BBS9: variants seen among roughly 807,000 people sequenced by gnomAD.
The protein encoded by BBS9 is protein PTHB1.
BBS9 carries 89 observed loss-of-function variants against 117.7 expected under a neutral mutation model. The observed-to-expected ratio is 0.76, with a 90% CI of 0.64 to 0.90. The LOEUF is 0.90. Among genes scored for constraint, BBS9 ranks in the 40% least tolerant of loss-of-function variants. The probability of loss-of-function intolerance (pLI) is 0.00; values close to 1 mark genes in which losing one functional copy is unlikely to be tolerated. For synonymous variants in BBS9, 379 were observed against 370.9 expected (o/e 1.02, Z -0.25); for missense variants, 982 against 1,042.2 (o/e 0.94, Z 0.80).
chr7:33,368,981 T>G (rs1311254495), intron 17 of BBS9, among the ~76,000 whole-genome samples: 1 of 152,188 alleles, frequency 6.6e-6, no homozygotes, highest in East Asian at 1.9e-4. Context: ...TTTTTCTGAT[T>G]GGTCATGATT....
At chr7:33,355,462 G>A (rs1262113900) in intron 15 of BBS9, among the ~76,000 whole-genome samples, 1 of 151,752 alleles carries the variant, frequency 6.6e-6, no homozygotes. Context: ...TTTTTTAAAG[G>A]ATTTCATAAC....
chr7:33,300,043 A>G (rs1312684399), intron 9 of BBS9, among the ~76,000 whole-genome samples: 1 of 152,206 alleles, frequency 6.6e-6, no homozygotes, highest in Non-Finnish European at 1.5e-5. Flanking sequence ...ACTAACAACA[A>G]TGGGAACTAT....
At chr7:33,191,850 CT>C (rs1437731136) in intron 5 of BBS9, among the ~76,000 whole-genome samples, 1 of 151,918 alleles carries the variant, frequency 6.6e-6, no homozygotes, top group Non-Finnish European at 1.5e-5. Flanking sequence ...TTTACTTTAT[CT>C]TTTCCTCACT....
chr7:33,241,602 A>G (rs938412356), intron 5 of BBS9, among the ~76,000 whole-genome samples: 1 of 152,068 alleles, frequency 6.6e-6, no homozygotes, highest in Admixed American at 6.6e-5. Flanking sequence ...TTAACTTCAC[A>G]TGTATTTTCC....
At chr7:33,580,568 A>C (rs1859709738) in intron 21 of BBS9, among the ~76,000 whole-genome samples, 1 of 152,166 alleles carries the variant, frequency 6.6e-6, no homozygotes. Flanking sequence ...ATGACTACCC[A>C]TATGCTGCTC....
intron 19 of BBS9, chr7:33,390,615 A>G: frequency 1.0e-6 from 1 of 967,978 alleles, no homozygotes; most frequent in Non-Finnish European, 1.2e-6. Context: ...TTGTTCAATA[A>G]GTTTCATGAG....
intron 15 of BBS9, among the ~76,000 whole-genome samples, chr7:33,354,396 A>G (rs1390186436): frequency 6.6e-6 from 1 of 152,120 alleles, no homozygotes; most frequent in Non-Finnish European, 1.5e-5. Context: ...GTTGTCCCAT[A>G]AGGGTTAGTC....
chr7:33,433,354 G>C (rs1359832585), intron 19 of BBS9, among the ~76,000 whole-genome samples: 1 of 152,116 alleles, frequency 6.6e-6, no homozygotes, highest in African/African-American at 2.4e-5. Flanking sequence ...AGGACAATTT[G>C]GCAATGAGAA....
chr7:33,633,510 C>CTTTTTTTT (rs894796851), intron 21 of BBS9, among the ~76,000 whole-genome samples: 2 of 98,454 alleles, frequency 2.0e-5, no homozygotes, highest in African/African-American at 3.8e-5. Context: ...TAACTTTTTT[C>CTTTTTTTT]TTTTTTTTTT....
At chr7:33,605,003 G>A (rs369958686) in intron 22 of BBS9, 28 bp downstream of exon 22, 83 of 1,556,792 alleles carry the variant, frequency 5.3e-5, no homozygotes, top group Non-Finnish European at 6.6e-5. Context: ...CTTCACAAGC[G>A]TTAGTTAAGT....
Position 33,349,157 on chromosome 7 carries a change from C to CT in BBS9, c.1422dup (p.Glu475Ter), listed in dbSNP as rs1263649506. On this transcript the variant is annotated frameshift_variant, in exon 13 of 23. Coordinates refer to ENST00000242067, the MANE Select transcript of BBS9 (RefSeq NM_198428.3). LOFTEE classifies it high-confidence loss of function. ...TAGAATTGACTTGTGATCAGTTCAC[C>CT]TTTGAATTTATGAGTAAGTTTTTTG... 1 of 1,612,006 alleles carries CT rather than the reference C, an allele frequency of 6.2e-7. No individual in the cohort carries two copies. The highest frequency in any genetic ancestry group is 2.2e-5 in the East Asian group (1 of 44,750).
intron 21 of BBS9, among the ~76,000 whole-genome samples, chr7:33,616,458 TTA>T (rs1203911267): frequency 6.8e-6 from 1 of 147,432 alleles, no homozygotes; most frequent in East Asian, 2.0e-4. Flanking sequence ...TACATATATG[TTA>T]TATAACTTTA....
At chr7:33,453,247 A>G (rs368749212) in intron 19 of BBS9, among the ~76,000 whole-genome samples, 114 of 152,288 alleles carry the variant, frequency 7.5e-4, no homozygotes, top group African/African-American at 2.7e-3. Flanking sequence ...CACTCAGCAA[A>G]GCAGCTGAGT....
chr7:33,409,122 G>A (rs1360803843), intron 19 of BBS9, among the ~76,000 whole-genome samples: 1 of 152,100 alleles, frequency 6.6e-6, no homozygotes, highest in African/African-American at 2.4e-5. Flanking sequence ...TTCTTCTGTT[G>A]ATAATTTCTA....
chr7:33,269,809 G>A (rs1390076407), intron 7 of BBS9, among the ~76,000 whole-genome samples: 2 of 151,870 alleles, frequency 1.3e-5, no homozygotes, highest in African/African-American at 4.8e-5. Flanking sequence ...CGGATCACGA[G>A]GTCAGGAAAT....
chr7:33,136,300 A>C (rs1790449206), intron 1 of BBS9, among the ~76,000 whole-genome samples: 1 of 152,194 alleles, frequency 6.6e-6, no homozygotes, highest in Admixed American at 6.5e-5. Context: ...GTCATCTGTG[A>C]GTAAAGATAG....
chr7:33,133,072 G>A (rs1484436377), intron 1 of BBS9, among the ~76,000 whole-genome samples: 1 of 151,962 alleles, frequency 6.6e-6, no homozygotes, highest in Non-Finnish European at 1.5e-5. Flanking sequence ...TTACAGGTGT[G>A]TGCCACCACA....
intron 5 of BBS9, among the ~76,000 whole-genome samples, chr7:33,195,732 T>TCTATC (rs5883388): frequency 1.3e-5 from 2 of 151,568 alleles, no homozygotes; most frequent in African/African-American, 4.8e-5. Flanking sequence ...CTGTAACACT[T>TCTATC]TTCTCTCTGT....
chr7:33,349,284 C>G (rs773850900), intron 13 of BBS9, 114 bp downstream of exon 13: 4 of 778,050 alleles, frequency 5.1e-6, no homozygotes, highest in South Asian at 1.4e-5. Context: ...GGGATCGTCC[C>G]AAAATCAATG....
Sources: gnomAD v4.1 joint callset for allele counts (sites outside exome capture counted in the v4.1 genomes callset) on GRCh38, gnomAD v4.1.1 for gene constraint, MANE v1.5 for transcripts, NCBI Gene and HGNC (gene_info 2026-07-23, HGNC 2026-07-21) for gene names.